The following KIF9 variants were observed in gnomAD, a reference collection of about 807,000 sequenced individuals.
The protein encoded by KIF9 is kinesin-like protein KIF9.
In KIF9, 68 loss-of-function variants were observed where a neutral mutation model predicts 94.8. That is an observed-to-expected ratio of 0.72 (90% CI 0.59 to 0.88). The LOEUF is 0.88. Ranked by LOEUF, KIF9 falls within the 40% of genes least tolerant of loss-of-function variation. The pLI is 0.00. For missense variants in KIF9, 882 were observed against 982.5 expected, an observed-to-expected ratio of 0.90 and a Z score of 1.37; for synonymous variants, 343 against 362.1, an observed-to-expected ratio of 0.95 and a Z score of 0.60.
At chr3:47,276,555 C>CAAAAA (rs752825599) in intron 2 of KIF9, among the ~76,000 whole-genome samples, 6 of 58,584 alleles carry the variant, frequency 1.0e-4, no homozygotes, top group East Asian at 9.7e-4. Context: ...GACTCTGTCT[C>CAAAAA]AAAAAAAAAA....
At chr3:47,261,974 G>A (rs889675053) in intron 9 of KIF9, among the ~76,000 whole-genome samples, 1 of 152,246 alleles carries the variant, frequency 6.6e-6, no homozygotes, top group African/African-American at 2.4e-5. Flanking sequence ...ACATTTGGAA[G>A]AGACAATCAT....
rs540050107 is a variant in KIF9 at position 47,228,631 on chromosome 3, T to C, written c.*21A>G. ...GGTGGGAGTTGCTGGTCTTGTCCTT[T>C]AAGGTACTGGCGATGAGGTTCTATT... On this transcript the variant is annotated 3_prime_UTR_variant, in exon 21 of 21. Coordinates refer to ENST00000684063, the MANE Select transcript of KIF9 (RefSeq NM_182902.4). The C allele has an allele frequency of 6.2e-7, 1 of 1,609,052 alleles. No individual in the cohort carries two copies. Among genetic ancestry groups the C allele is most frequent in the African/African-American group, 1.3e-5 (1 of 74,918 alleles).
At chr3:47,260,472 A>G (rs937351174) in intron 9 of KIF9, among the ~76,000 whole-genome samples, 9 of 152,072 alleles carry the variant, frequency 5.9e-5, no homozygotes, top group Admixed American at 5.9e-4. Flanking sequence ...AGAAACACCC[A>G]CAGGTGTGTA....
At chr3:47,240,509 A>G (rs1449648690) in intron 17 of KIF9, among the ~76,000 whole-genome samples, 2 of 152,142 alleles carry the variant, frequency 1.3e-5, no homozygotes, top group African/African-American at 2.4e-5. Context: ...TGCAGGACAA[A>G]GGGCCTGTTT....
Position 47,270,764 on chromosome 3 carries a change from TTC to T in KIF9, c.591+471_591+472del, listed in dbSNP as rs972252929. On this transcript the variant is annotated intron_variant, in intron 5 of 20. Transcript: ENST00000684063. The stretch of plus-strand genomic sequence containing the variant: ...AACAGGAAAGGAAGAGGAAATAAAA[TTC>T]TTTTTTGTTCCTTTTTTTTTTCAGC... Among the ~76,000 whole-genome samples, 15 of 152,194 alleles carry T rather than the reference TTC, an allele frequency of 9.9e-5. No homozygotes were observed. In the South Asian group the frequency reaches 1.9e-3, roughly 19 times the overall value.
intron 9 of KIF9, among the ~76,000 whole-genome samples, chr3:47,263,177 G>A (rs895226512): frequency 1.3e-5 from 2 of 152,176 alleles, no homozygotes; most frequent in Admixed American, 6.5e-5. Context: ...GATTACAGGC[G>A]TGAACCACCA....
intron 1 of KIF9, among the ~76,000 whole-genome samples, chr3:47,280,453 T>C (rs1702257297): frequency 6.6e-6 from 1 of 152,208 alleles, no homozygotes; most frequent in African/African-American, 2.4e-5. Context: ...ACGCCTGTAA[T>C]CCCAGCCTTT....
intron 6 of KIF9, 56 bp from the exon 7 acceptor site, chr3:47,267,124 C>T: frequency 6.2e-7 from 1 of 1,600,372 alleles, no homozygotes; most frequent in Non-Finnish European, 8.6e-7. Flanking sequence ...TCTGACTGAG[C>T]AGGCCCCGTG....
chr3:47,236,115 G>C lies in KIF9; in HGVS notation c.2136C>G (p.Ile712Met), dbSNP rs1423795930. 1 of 1,614,086 alleles carries C rather than the reference G, an allele frequency of 6.2e-7. No individual in the cohort carries two copies. The highest frequency in any genetic ancestry group is 1.1e-5 in the South Asian group (1 of 91,076). Residue 712 changes from isoleucine (I) to methionine (M), a missense_variant, in exon 19 of 21, where the codon ATC becomes ATG. Physicochemically the swap from Ile to Met is conservative, Grantham distance 10. Coordinates refer to ENST00000684063, the MANE Select transcript of KIF9 (RefSeq NM_182902.4). ...TCAGTGCCATCTGCATGTCCTCAGG[G>C]ATGACAAAGGACTCATTGTACCAGA... ...FDIWYNESFVIPEDMQMALKP... is the reference protein window; with the variant it reads ...FDIWYNESFVMPEDMQMALKP...
chr3:47,251,382 A>G (rs1700260303), intron 10 of KIF9, among the ~76,000 whole-genome samples: 1 of 152,158 alleles, frequency 6.6e-6, no homozygotes, highest in African/African-American at 2.4e-5. Context: ...CCTGGCCAAC[A>G]TGGTGAAACC....
chr3:47,282,247 T>C lies in KIF9; in HGVS notation c.-6+248A>G, dbSNP rs1702423681. 5.1e-6 allele frequency: 5 copies of C among 985,600 alleles called. No homozygotes were observed. The South Asian group carries it at 1.9e-4, about 37-fold the overall frequency. The allele number at this position is 985,600 out of a possible 1,614,324, so 61.1% of individuals were successfully genotyped here. A position where few individuals can be genotyped will look rare whatever the true frequency, so the allele number is the denominator to read the frequency against. On this transcript the variant is annotated intron_variant, in intron 1 of 20. Transcript: ENST00000684063. ...CTCTGGCTCCCTGCCTCACGGCCTCTATGTCCTGGACGCGACGTGGGACCC... is the reference window on the plus strand; with the variant it reads ...CTCTGGCTCCCTGCCTCACGGCCTCCATGTCCTGGACGCGACGTGGGACCC...
intron 10 of KIF9, among the ~76,000 whole-genome samples, chr3:47,251,371 G>C (rs914591510): frequency 1.3e-5 from 2 of 152,150 alleles, no homozygotes; most frequent in African/African-American, 4.8e-5. Flanking sequence ...TTCAAGACCA[G>C]CCTGGCCAAC....
chr3:47,256,277 G>A (rs1167823192), intron 10 of KIF9, among the ~76,000 whole-genome samples: 3 of 152,024 alleles, frequency 2.0e-5, no homozygotes, highest in Non-Finnish European at 2.9e-5. Context: ...AAAGTGAGGA[G>A]CGTCTCTGCC....
chr3:47,278,364 C>A (rs1040610758), intron 1 of KIF9, among the ~76,000 whole-genome samples: 1 of 152,100 alleles, frequency 6.6e-6, no homozygotes, highest in Non-Finnish European at 1.5e-5. Flanking sequence ...GCATACCCAG[C>A]CGATGTTCAA....
chr3:47,239,755 TC>T, intron 17 of KIF9: 1 of 1,331,836 alleles, frequency 7.5e-7, no homozygotes, highest in Non-Finnish European at 1.0e-6. Flanking sequence ...GCCCTGCTCC[TC>T]TGAGAAATAA....
intron 12 of KIF9, among the ~76,000 whole-genome samples, chr3:47,246,962 C>T (rs1039255757): frequency 2.0e-5 from 3 of 152,150 alleles, no homozygotes; most frequent in African/African-American, 7.2e-5. Context: ...CCAACATGGG[C>T]CCTGGGGTCT....
chr3:47,282,744 T>C lies in KIF9; in HGVS notation c.-255A>G. The C allele has an allele frequency of 3.5e-6, 5 of 1,422,038 alleles. No homozygotes were observed. The highest frequency in any genetic ancestry group is 4.6e-6 in the Non-Finnish European group (5 of 1,091,694). The allele number at this position is 1,422,038 out of a possible 1,614,324, so 88.1% of individuals were successfully genotyped here. A position where few individuals can be genotyped will look rare whatever the true frequency, so the allele number is the denominator to read the frequency against. On this transcript the variant is annotated 5_prime_UTR_variant, in exon 1 of 21. An upstream start codon of the reference 5' UTR is lost. Transcript: ENST00000684063. ...CTAGAAAGACTTCGGCGGATGCACA[T>C]GCGAAGTCAAGGTCGAGATAGCGAG...
chr3:47,282,091 C>T (rs1338147056), intron 1 of KIF9: 1 of 589,854 alleles, frequency 1.7e-6, no homozygotes, highest in Non-Finnish European at 2.1e-6. Flanking sequence ...GCCTGGGCGG[C>T]AGTGGGCTTT....
intron 16 of KIF9, among the ~76,000 whole-genome samples, 169 bp from the exon 17 acceptor site, chr3:47,241,184 G>T (rs1699451780): frequency 6.6e-6 from 1 of 152,126 alleles, no homozygotes; most frequent in South Asian, 2.1e-4. Context: ...CCTCCTCTTT[G>T]TTTTACTCAG....
Sources: allele counts gnomAD v4.1 joint callset (sites outside exome capture counted in the v4.1 genomes callset), GRCh38; gene constraint gnomAD v4.1.1; transcripts MANE v1.5; gene names NCBI Gene and HGNC (gene_info 2026-07-23, HGNC 2026-07-21).